Variants in TMEM132D observed in about 807,000 individuals in gnomAD.
TMEM132D encodes mature OL transmembrane protein.
A neutral mutation model predicts 62.3 loss-of-function variants in TMEM132D; 21 were observed. The ratio of observed to expected loss-of-function variants is 0.34; its 90% CI spans 0.24 to 0.49. The LOEUF is 0.49. TMEM132D is among the 20% of genes least tolerant of loss of function. TMEM132D has a pLI of 0.99. For synonymous variants in TMEM132D, 621 were observed against 575.6 expected (o/e 1.08, Z -1.13); for missense variants, 1,346 against 1,402.8 (o/e 0.96, Z 0.65).
chr12:129,872,233 A>C (rs1245240721), intron 1 of TMEM132D, among the ~76,000 whole-genome samples: 3 of 152,098 alleles, frequency 2.0e-5, no homozygotes, highest in Non-Finnish European at 4.4e-5. Flanking sequence ...CTCTCCTAAC[A>C]CCCAATCTCT....
At chr12:129,898,100 C>T (rs985625196) in intron 1 of TMEM132D, among the ~76,000 whole-genome samples, 1 of 152,200 alleles carries the variant, frequency 6.6e-6, no homozygotes, top group Non-Finnish European at 1.5e-5. Context: ...TCATAAGTCA[C>T]TCCGCACAGT....
intron 5 of TMEM132D, among the ~76,000 whole-genome samples, chr12:129,135,895 A>C (rs1242836097): frequency 6.6e-6 from 1 of 152,148 alleles, no homozygotes; most frequent in Non-Finnish European, 1.5e-5. Context: ...ATTCTCTTTT[A>C]TAAAGACACT....
chr12:129,755,905 A>G (rs1207556345), intron 1 of TMEM132D, among the ~76,000 whole-genome samples: 4 of 152,200 alleles, frequency 2.6e-5, no homozygotes, highest in Non-Finnish European at 5.9e-5. Flanking sequence ...CACGTGGGGA[A>G]AATTCCCCAG....
At chr12:129,723,268 G>A (rs1244930628) in intron 1 of TMEM132D, among the ~76,000 whole-genome samples, 1 of 152,180 alleles carries the variant, frequency 6.6e-6, no homozygotes. Flanking sequence ...GAGAAGCTCG[G>A]CATTTTGTCT....
chr12:129,767,881 G>A (rs4414261), intron 1 of TMEM132D, among the ~76,000 whole-genome samples: 112,312 of 152,068 alleles, frequency 0.74, 41,588 homozygotes, highest in Middle Eastern at 0.85. Flanking sequence ...ACTTCCACGT[G>A]GCTGGGGAGG....
At chr12:129,592,876 C>T (rs538635728) in intron 2 of TMEM132D, among the ~76,000 whole-genome samples, 3 of 152,114 alleles carry the variant, frequency 2.0e-5, no homozygotes, top group Non-Finnish European at 4.4e-5. Context: ...GGAAAGAGGA[C>T]TATTTTATTA....
In TMEM132D at chr12:129,277,108, A is replaced by G. The variant is rs1881025331; in HGVS notation, c.1299+60526T>C. 6.6e-6 allele frequency among the ~76,000 whole-genome samples: 1 copy of G among 152,222 alleles called. No homozygotes were observed. Among genetic ancestry groups the G allele is most frequent in the Non-Finnish European group, 1.5e-5 (1 of 68,038 alleles). The stretch of plus-strand genomic sequence containing the variant: ...CGAGCACAAAGGGGCTTAATAATAT[A>G]AAGGTGAATTTCAGGGCCTTAGAAC... On this transcript the variant is annotated intron_variant, in intron 4 of 8. Coordinates refer to ENST00000422113, the MANE Select transcript of TMEM132D (RefSeq NM_133448.3). The surrounding 1 kb of genome is among the most constrained non-coding windows in gnomAD (Gnocchi z 4.2).
chr12:129,607,065 TTCTTTC>T, intron 2 of TMEM132D, among the ~76,000 whole-genome samples: 1 of 146,596 alleles, frequency 6.8e-6, no homozygotes, highest in South Asian at 2.5e-4. Flanking sequence ...CTTTCTTTCT[TTCTTTC>T]TTTTTTTTTT....
At chr12:129,558,350 A>G (rs1359115244) in intron 2 of TMEM132D, among the ~76,000 whole-genome samples, 1 of 152,212 alleles carries the variant, frequency 6.6e-6, no homozygotes. Context: ...GAAGGGTCCC[A>G]TTCCTATGGG....
chr12:129,202,886 A>G (rs139812445), intron 5 of TMEM132D, among the ~76,000 whole-genome samples: 1 of 152,312 alleles, frequency 6.6e-6, no homozygotes, highest in African/African-American at 2.4e-5. Context: ...TTTAGGCTAA[A>G]CGTTACACTA....
chr12:129,489,287 A>C (rs1018033591), intron 3 of TMEM132D, among the ~76,000 whole-genome samples: 1 of 152,206 alleles, frequency 6.6e-6, no homozygotes, highest in Non-Finnish European at 1.5e-5. Context: ...CTCAGAGCCA[A>C]TTTAGAACTG....
intron 2 of TMEM132D, among the ~76,000 whole-genome samples, chr12:129,654,129 A>G (rs1366674380): frequency 6.6e-6 from 1 of 152,224 alleles, no homozygotes; most frequent in East Asian, 1.9e-4. Context: ...GAGGAAGACC[A>G]TAGATGTGAA....
chr12:129,615,795 CAAAATAAAATAAAAT>C (rs767430381), intron 2 of TMEM132D, among the ~76,000 whole-genome samples: 2,083 of 139,096 alleles, frequency 0.015, 52 homozygotes, highest in African/African-American at 0.046. Flanking sequence ...CAAAACAAAA[CAAAATAAAATAAAAT>C]AAAATAAAAT....
intron 1 of TMEM132D, among the ~76,000 whole-genome samples, chr12:129,875,704 G>A (rs1372685759): frequency 6.6e-6 from 1 of 152,152 alleles, no homozygotes; most frequent in African/African-American, 2.4e-5. Flanking sequence ...GGGAGGCAAC[G>A]GGAAAAGCAT....
intron 3 of TMEM132D, among the ~76,000 whole-genome samples, chr12:129,357,660 A>G (rs1870116605): frequency 6.6e-6 from 1 of 150,698 alleles, no homozygotes; most frequent in South Asian, 2.1e-4. Flanking sequence ...GATCGAAAGA[A>G]AGAGAAAAGA....
intron 5 of TMEM132D, among the ~76,000 whole-genome samples, chr12:129,165,557 T>G (rs1877518942): frequency 6.6e-6 from 1 of 152,192 alleles, no homozygotes; most frequent in South Asian, 2.1e-4. Context: ...AAACAAAACT[T>G]GAGCCTGTCT....
chr12:129,099,178 C>G (rs1172481291), intron 5 of TMEM132D, among the ~76,000 whole-genome samples: 1 of 152,170 alleles, frequency 6.6e-6, no homozygotes, highest in Non-Finnish European at 1.5e-5. Context: ...CATTTACTAC[C>G]CCTCTAAAAT....
intron 4 of TMEM132D, chr12:129,211,887 G>A (rs987001297): frequency 6.6e-6 from 1 of 152,134 alleles, no homozygotes; most frequent in Non-Finnish European, 1.5e-5. Flanking sequence ...GCTGCCTCTA[G>A]GCAGGAAAAA....
At chr12:129,850,929 ATTTTT>A (rs756724455) in intron 1 of TMEM132D, among the ~76,000 whole-genome samples, 12 of 152,194 alleles carry the variant, frequency 7.9e-5, no homozygotes, top group Non-Finnish European at 1.8e-4. Flanking sequence ...GCAGCTAGGC[ATTTTT>A]TATTGGTTCC....
Sources: allele counts gnomAD v4.1 joint callset (sites outside exome capture counted in the v4.1 genomes callset), GRCh38; gene constraint gnomAD v4.1.1; non-coding constraint Gnocchi (gnomAD v3.1); transcripts MANE v1.5; gene names NCBI Gene and HGNC (gene_info 2026-07-23, HGNC 2026-07-21).